Variants in MED8 observed in about 807,000 individuals in gnomAD.
MED8 encodes mediator of RNA polymerase II transcription subunit 8.
MED8 carries 22 observed loss-of-function variants against 34.8 expected under a neutral mutation model. The ratio of observed to expected loss-of-function variants is 0.63; its 90% confidence interval spans 0.45 to 0.90. MED8 has a LOEUF of 0.90. Ranked by LOEUF, MED8 falls within the 40% of genes least tolerant of loss-of-function variation. MED8 has a pLI of 0.00. For synonymous variants in MED8, 105 were observed against 120.2 expected (o/e 0.87, Z 0.83); for missense variants, 260 against 326.3 (o/e 0.80, Z 1.57).
chr1:43,388,911 C>G (rs1266193334), intron 1 of MED8: 1 of 154,352 alleles, frequency 6.5e-6, no homozygotes, highest in Non-Finnish European at 1.4e-5. Context: ...TTCCCTCCCC[C>G]AACCAACGAC....
chr1:43,385,845 T>C lies in MED8; in HGVS notation c.742+133A>G, dbSNP rs548309291. 6.8e-4 allele frequency: 934 copies of C among 1,381,644 alleles called. 3 individuals are homozygous for C. Among genetic ancestry groups the C allele is most frequent in the Middle Eastern group, 4.1e-3 (22 of 5,326 alleles). 85.6% of individuals were successfully genotyped at this position (1,381,644 alleles called of 1,614,324 possible). On this transcript the variant is annotated intron_variant, in intron 6 of 6. Transcript: ENST00000372457. ...GAGATTTTTTTACTTCTGAAAATTA[T>C]TTCCTGGGTCACAGTGAAAAGGAGA...
At chr1:43,385,777 A>G (rs1647706239) in intron 6 of MED8, 3 of 726,904 alleles carry the variant, frequency 4.1e-6, no homozygotes, top group Non-Finnish European at 6.7e-6. Context: ...CTGTTACTCA[A>G]AGTTCTTCCT....
At position 43,387,567 on chromosome 1, in the gene MED8, G is replaced by C; in HGVS notation, c.206C>G (p.Pro69Arg). Reference sequence around the variant, plus strand: ...AATGATGACCTGGTTACGGAACAGCGGTGTTTTTTCATGCTTCAAGACCTT... The same window carrying C: ...AATGATGACCTGGTTACGGAACAGCCGTGTTTTTTCATGCTTCAAGACCTT... ...LNKVLKHEKT[P>R]LFRNQVIIPL... Residue 69 changes from proline (P) to arginine (R), a missense_variant, in exon 3 of 7, where the codon CCG becomes CGG. Coordinates refer to ENST00000372457, the MANE Select transcript of MED8 (RefSeq NM_201542.5). 10 of 1,614,006 alleles carry C rather than the reference G, an allele frequency of 6.2e-6. No individual in the cohort carries two copies. The highest frequency in any genetic ancestry group is 8.5e-6 in the Non-Finnish European group (10 of 1,179,884).
chr1:43,388,633 C>CA, intron 1 of MED8: 1 of 725,650 alleles, frequency 1.4e-6, no homozygotes, highest in Non-Finnish European at 2.1e-6. Flanking sequence ...TTTGCCTGAC[C>CA]CCAAGTCCTT....
intron 1 of MED8, 114 bp downstream of exon 1, chr1:43,389,645 C>G: frequency 1.4e-6 from 2 of 1,460,860 alleles, no homozygotes; most frequent in Non-Finnish European, 1.8e-6. Context: ...CCTTATCAGC[C>G]GTGGGTTCTG....
At chr1:43,385,424 CATA>C (rs1460139052) in intron 6 of MED8, 3 of 289,194 alleles carry the variant, frequency 1.0e-5, no homozygotes, top group African/African-American at 2.2e-5. Flanking sequence ...TTTTTTATAT[CATA>C]ATAAGTGCAG....
At chr1:43,388,540 T>A in intron 1 of MED8, 112 bp from the exon 2 acceptor site, 1 of 1,501,410 alleles carries the variant, frequency 6.7e-7, no homozygotes, top group Non-Finnish European at 8.9e-7. Flanking sequence ...ACACAGGATC[T>A]CATTGGCATA....
At position 43,387,641 on chromosome 1, in the gene MED8, A is replaced by G. The variant is rs1647780462; in HGVS notation, c.132T>C (p.Ser44=). The G allele has an allele frequency of 1.2e-6, 2 of 1,613,818 alleles. No homozygotes were observed. Among genetic ancestry groups the G allele is most frequent in the African/African-American group, 1.3e-5 (1 of 75,038 alleles). Reference sequence around the variant, plus strand: ...AAAGCAAGGCAAAGCTGTCCAGGACAGATGGCCTGGTGGTGGTAACAAGGT... The same window carrying G: ...AAAGCAAGGCAAAGCTGTCCAGGACGGATGGCCTGGTGGTGGTAACAAGGT... ...ENEYGRLTWP[S]VLDSFALLSG... Residue 44 remains serine, a synonymous_variant, in exon 3 of 7, where the codon TCT becomes TCC. Coordinates refer to ENST00000372457, the MANE Select transcript of MED8 (RefSeq NM_201542.5).
At position 43,385,998 on chromosome 1, in the gene MED8, A is replaced by G. The variant is rs776993035; in HGVS notation, c.722T>C (p.Met241Thr). 1 of 1,613,968 alleles carries G rather than the reference A, an allele frequency of 6.2e-7. No individual in the cohort carries two copies. Among genetic ancestry groups the G allele is most frequent in the South Asian group, 1.1e-5 (1 of 91,086 alleles). Residue 241 changes from methionine to threonine, a missense_variant, in exon 6 of 7, where the codon ATG (methionine) becomes ACG (threonine). Met to Thr is a moderately conservative substitution (Grantham distance 81, BLOSUM62 -1). Coordinates refer to ENST00000372457, the MANE Select transcript of MED8 (RefSeq NM_201542.5). ...CTTACCTGGTTGACCTGCCTGAGCC[A>G]TTTGTACCCCACTGAGCATTGGCTG... ...QQQPMLSGVQ[M>T]AQAGQPGKMP...
At position 43,384,141 on chromosome 1, in the gene MED8, G is replaced by A. The variant is rs184274524; in HGVS notation, c.*901C>T. The A allele has an allele frequency of 8.6e-5, 20 of 231,904 alleles. No individual in the cohort carries two copies. The highest frequency in any genetic ancestry group is 2.5e-4 in the South Asian group (2 of 8,106). 14.4% of individuals were successfully genotyped at this position (231,904 alleles called of 1,614,324 possible). On this transcript the variant is annotated 3_prime_UTR_variant, in exon 7 of 7. Transcript: ENST00000372457. ...AGGCTTAGGGAAATGAAGGAAAGTC[G>A]TTTTCTTTGAAGGAAATCCTGGCCA...
intron 3 of MED8, among the ~76,000 whole-genome samples, chr1:43,387,199 A>G (rs1647764603): frequency 6.6e-6 from 1 of 152,072 alleles, no homozygotes; most frequent in African/African-American, 2.4e-5. Context: ...TCTCTACCAG[A>G]CCTAGGGGCA....
chr1:43,389,139 T>TG (rs1406515822), intron 1 of MED8: 1 of 152,792 alleles, frequency 6.5e-6, no homozygotes, highest in East Asian at 1.9e-4. Flanking sequence ...ATTAAAATGC[T>TG]GGGGGTCTGC....
At chr1:43,388,262 G>A (rs550219287) in intron 2 of MED8, 48 bp downstream of exon 2, 2 of 1,577,534 alleles carry the variant, frequency 1.3e-6, no homozygotes, top group African/African-American at 2.7e-5. Context: ...CAGGAGGCTA[G>A]GCCCCCCCAC....
intron 1 of MED8, 129 bp from the exon 2 acceptor site, chr1:43,388,557 C>T: frequency 7.0e-7 from 1 of 1,436,462 alleles, no homozygotes; most frequent in South Asian, 1.4e-5. Flanking sequence ...CATAGGATAG[C>T]CAGGTTGTTT....
rs1647776094 is a variant in MED8 at position 43,387,525 on chromosome 1, G to GGT, written c.247_248insAC (p.Pro83HisfsTer23). On this transcript the variant is annotated frameshift_variant, in exon 3 of 7. Transcript: ENST00000372457. LOFTEE classifies it high-confidence loss of function. Reference sequence around the variant, plus strand: ...TACCATGAGATCTTCATCTCGGTCTGGAGACAACACCAGAGGAATGATGAC... The same window carrying GGT: ...TACCATGAGATCTTCATCTCGGTCTGGTGAGACAACACCAGAGGAATGATGAC... 6.2e-7 allele frequency: 1 copy of GGT among 1,613,984 alleles called. No homozygotes were observed. The highest frequency in any genetic ancestry group is 1.6e-4 in the Middle Eastern group (1 of 6,062).
chr1:43,386,761 C>T lies in MED8; in HGVS notation c.412-91G>A, dbSNP rs1025417415. Reference sequence around the variant, plus strand: ...TGGGTTCTGCCAGAAGCAACTTAGGCGCAACCAACTATGTATCCCTACTAG... The same window carrying T: ...TGGGTTCTGCCAGAAGCAACTTAGGTGCAACCAACTATGTATCCCTACTAG... On this transcript the variant is annotated intron_variant, in intron 4 of 6. Transcript: ENST00000372457. This position sits in a 1 kb window ranked among gnomAD's most constrained non-coding sequence, Gnocchi z 4.9. 45 of 1,595,342 alleles carry T rather than the reference C, an allele frequency of 2.8e-5. No homozygotes were observed. The highest frequency in any genetic ancestry group is 1.0e-4 in the South Asian group (9 of 89,216).
rs752866191 is a variant in MED8 at position 43,388,338 on chromosome 1, A to G, written c.97T>C (p.Leu33=). 11 of 1,613,462 alleles carry G rather than the reference A, an allele frequency of 6.8e-6. No homozygotes were observed. In the East Asian group the frequency reaches 2.2e-4, roughly 33 times the overall value. The change falls in exon 2 of 7, where the codon TTG becomes CTG. Residue 33 remains leucine, a synonymous_variant. Coordinates refer to ENST00000372457, the MANE Select transcript of MED8 (RefSeq NM_201542.5). ...KNSLGSFICK[L]ENEYGRLTWP... Reference sequence around the variant, plus strand: ...GTCAGCCGGCCATACTCGTTCTCCAACTTGCAAATGAAACTCCCCAGAGAG... The same window carrying G: ...GTCAGCCGGCCATACTCGTTCTCCAGCTTGCAAATGAAACTCCCCAGAGAG...
intron 6 of MED8, 107 bp downstream of exon 6, chr1:43,385,871 A>C: frequency 1.3e-6 from 2 of 1,487,740 alleles, no homozygotes; most frequent in African/African-American, 2.8e-5. Flanking sequence ...GAAAAGGAGA[A>C]ATAGAGAAAA....
chr1:43,389,752 C>T lies in MED8; in HGVS notation c.6+7G>A. The T allele has an allele frequency of 6.2e-7, 1 of 1,608,876 alleles. No individual in the cohort carries two copies. Among genetic ancestry groups the T allele is most frequent in the Non-Finnish European group, 8.5e-7 (1 of 1,177,862 alleles). On this transcript the variant is annotated splice_region_variant and intron_variant, in intron 1 of 6. Transcript: ENST00000372457. Reference sequence around the variant, plus strand: ...CCAGCCGCTAGTACGCCCAACGCAACTCTCACCTGCATTGCGGCGGCCGAG... The same window carrying T: ...CCAGCCGCTAGTACGCCCAACGCAATTCTCACCTGCATTGCGGCGGCCGAG...
Sources: gnomAD v4.1 joint callset for allele counts (sites outside exome capture counted in the v4.1 genomes callset) on GRCh38, gnomAD v4.1.1 for gene constraint, Gnocchi (gnomAD v3.1) non-coding constraint, MANE v1.5 for transcripts, NCBI Gene and HGNC (gene_info 2026-07-23, HGNC 2026-07-21) for gene names.